Variants in LIN28A observed in about 807,000 individuals in gnomAD.
The protein encoded by LIN28A is lin-28 RNA binding posttranscriptional regulator A, also known as protein lin-28 homolog A.
In LIN28A, 11 loss-of-function variants were observed where a neutral mutation model predicts 21.1. That is an observed-to-expected ratio of 0.52 (90% CI 0.33 to 0.86). LIN28A has a LOEUF of 0.86. LIN28A is among the 40% of genes least tolerant of loss of function. The pLI is 0.03. For missense variants in LIN28A, 219 were observed against 279.8 expected, an observed-to-expected ratio of 0.78 and a Z score of 1.55; for synonymous variants, 111 against 108.7, an observed-to-expected ratio of 1.02 and a Z score of -0.13.
chr1:26,416,687 A>G (rs1272544044), intron 2 of LIN28A, among the ~76,000 whole-genome samples: 1 of 151,948 alleles, frequency 6.6e-6, no homozygotes, highest in Non-Finnish European at 1.5e-5. Flanking sequence ...GCGCCGTCTT[A>G]GCTCACTGCA....
rs971372791 is a variant in LIN28A, at chr1:26,411,651, G to T, written c.228+69G>T. On this transcript the variant is annotated intron_variant, in intron 2 of 3. Transcript: ENST00000326279. The surrounding 1 kb of genome is among the most constrained non-coding windows in gnomAD (Gnocchi z 5.4). The stretch of plus-strand genomic sequence containing the variant: ...GCGCCCATATCCACGGGTGGGCTCC[G>T]GGCTCGCAGTTGAATTGAGGGCCAT... 5.9e-6 allele frequency: 9 copies of T among 1,513,984 alleles called. No homozygotes were observed. The highest frequency in any genetic ancestry group is 1.7e-4 in the Middle Eastern group (1 of 5,818). The allele number at this position is 1,513,984 out of a possible 1,614,324, so 93.8% of individuals were successfully genotyped here.
chr1:26,413,014 C>G (rs559543373), intron 2 of LIN28A, among the ~76,000 whole-genome samples: 8 of 152,096 alleles, frequency 5.3e-5, no homozygotes, highest in African/African-American at 1.9e-4. Flanking sequence ...TCTCCCTTCT[C>G]TGTCTCATTT....
chr1:26,429,695 A>G lies in LIN28A; in HGVS notation c.*3237A>G, dbSNP rs2075081599. ...CTCCTTTCCCTGGGAAAATACAATG[A>G]ATAAATAAAGACTTATTGGTACGCA... is the stretch of plus-strand genomic sequence containing the variant. On this transcript the variant is annotated 3_prime_UTR_variant, in exon 4 of 4. Transcript: ENST00000326279. 6.6e-6 allele frequency: 1 copy of G among 152,210 alleles called. No individual in the cohort carries two copies. Among genetic ancestry groups the G allele is most frequent in the Admixed American group, 6.5e-5 (1 of 15,280 alleles). 9.4% of individuals were successfully genotyped at this position (152,210 alleles called of 1,614,324 possible). A position where few individuals can be genotyped will look rare whatever the true frequency, so the allele number is the denominator to read the frequency against.
At position 26,425,299 on chromosome 1, in the gene LIN28A, C is replaced by T. The variant is rs146466200; in HGVS notation, c.229-4C>T. 6.2e-7 allele frequency: 1 copy of T among 1,610,700 alleles called. No homozygotes were observed. The highest frequency in any genetic ancestry group is 1.3e-5 in the African/African-American group (1 of 74,914). On this transcript the variant is annotated splice_region_variant and splice_polypyrimidine_tract_variant and intron_variant, in intron 2 of 3. Transcript: ENST00000326279. ...TTAAAATTTACTGCATTTCCCTTCA[C>T]CAGAGTAAGCTGCACATGGAAGGGT...
chr1:26,418,451 C>T (rs1226406054), intron 2 of LIN28A, among the ~76,000 whole-genome samples: 1 of 151,338 alleles, frequency 6.6e-6, no homozygotes, highest in Non-Finnish European at 1.5e-5. Flanking sequence ...CAGGCTGAGG[C>T]AGGAGAATGG....
At chr1:26,426,065 T>G (rs1471963689) in intron 3 of LIN28A, among the ~76,000 whole-genome samples, 177 bp from the exon 4 acceptor site, 1 of 152,188 alleles carries the variant, frequency 6.6e-6, no homozygotes, top group Non-Finnish European at 1.5e-5. Flanking sequence ...CAATTAGATG[T>G]GGAAAGGACT....
At chr1:26,424,769 T>G (rs1397909611) in intron 2 of LIN28A, among the ~76,000 whole-genome samples, 1 of 152,188 alleles carries the variant, frequency 6.6e-6, no homozygotes, top group Non-Finnish European at 1.5e-5. Context: ...TGAGACAAAG[T>G]CTCACTCTGT....
rs913039390 is a variant in LIN28A, at chr1:26,411,036, C to G, written c.31+114C>G. On this transcript the variant is annotated intron_variant, in intron 1 of 3. Transcript: ENST00000326279. The surrounding 1 kb of genome is among the most constrained non-coding windows in gnomAD (Gnocchi z 5.4). ...CTGCCCAAAGGACCCCAAGACGGTG[C>G]GGCCTTCTGCTTCATAGGGCCGTCT... is the stretch of plus-strand genomic sequence containing the variant. The G allele has an allele frequency of 7.4e-7, 1 of 1,344,614 alleles. No homozygotes were observed. Among genetic ancestry groups the G allele is most frequent in the Admixed American group, 2.7e-5 (1 of 37,158 alleles). The allele number at this position is 1,344,614 out of a possible 1,614,324, so 83.3% of individuals were successfully genotyped here. A position where few individuals can be genotyped will look rare whatever the true frequency, so the allele number is the denominator to read the frequency against.
intron 2 of LIN28A, among the ~76,000 whole-genome samples, chr1:26,416,908 C>T (rs2074996876): frequency 6.6e-6 from 1 of 152,192 alleles, no homozygotes; most frequent in Admixed American, 6.5e-5. Context: ...GCATGAGCCA[C>T]CATGACTGGC....
rs572841937 is a variant in LIN28A, at chr1:26,416,139, T to C, written c.228+4557T>C. Among the ~76,000 whole-genome samples, 4 of 152,218 alleles carry C rather than the reference T, an allele frequency of 2.6e-5. No homozygotes were observed. The South Asian group carries it at 8.3e-4, about 32-fold the overall frequency. On this transcript the variant is annotated intron_variant, in intron 2 of 3. Coordinates refer to ENST00000326279, the MANE Select transcript of LIN28A (RefSeq NM_024674.6). ...TCCCAAGTAGCTGGGATTACAGATG[T>C]ACACCACCACACCCAGCTAATTTTA...
intron 2 of LIN28A, among the ~76,000 whole-genome samples, chr1:26,419,124 T>G (rs2075014466): frequency 6.8e-6 from 1 of 146,604 alleles, no homozygotes; most frequent in Non-Finnish European, 1.5e-5. Flanking sequence ...TGGTTGGGGG[T>G]GGAATGGGGG....
At chr1:26,415,956 T>C (rs2124288255) in intron 2 of LIN28A, among the ~76,000 whole-genome samples, 1 of 152,350 alleles carries the variant, frequency 6.6e-6, no homozygotes, top group South Asian at 2.1e-4. Flanking sequence ...GGTCCTCTTC[T>C]TTCTGAGACA....
At chr1:26,413,930 C>T (rs1427007602) in intron 2 of LIN28A, among the ~76,000 whole-genome samples, 3 of 149,440 alleles carry the variant, frequency 2.0e-5, no homozygotes, top group Non-Finnish European at 3.0e-5. Flanking sequence ...CAGGTTCAAG[C>T]GATTCTCCTG....
At chr1:26,416,930 T>G (rs1242108225) in intron 2 of LIN28A, among the ~76,000 whole-genome samples, 1 of 152,116 alleles carries the variant, frequency 6.6e-6, no homozygotes, top group African/African-American at 2.4e-5. Flanking sequence ...CAGCGTGGTG[T>G]TATTTAATTT....
intron 2 of LIN28A, among the ~76,000 whole-genome samples, chr1:26,413,440 A>T (rs1381495321): frequency 6.6e-6 from 1 of 152,074 alleles, no homozygotes; most frequent in African/African-American, 2.4e-5. Flanking sequence ...TCACCTTAGG[A>T]TCTAGAGCAA....
chr1:26,418,324 A>G (rs796292042), intron 2 of LIN28A, among the ~76,000 whole-genome samples: 1 of 152,274 alleles, frequency 6.6e-6, no homozygotes, highest in East Asian at 1.9e-4. Flanking sequence ...AGGCGGGTAG[A>G]TCATGAGGTC....
At chr1:26,420,018 C>T (rs1164302263) in intron 2 of LIN28A, among the ~76,000 whole-genome samples, 2 of 152,236 alleles carry the variant, frequency 1.3e-5, no homozygotes, top group African/African-American at 2.4e-5. Context: ...AGTGCAGTGG[C>T]GCGATCTCAG....
intron 2 of LIN28A, among the ~76,000 whole-genome samples, chr1:26,415,676 G>C (rs1557761093): frequency 6.6e-6 from 1 of 151,288 alleles, no homozygotes; most frequent in Non-Finnish European, 1.5e-5. Context: ...GTAGCTGCTC[G>C]CTTTCTGGGC....
At position 26,411,801 on chromosome 1, in the gene LIN28A, A is replaced by C. The variant is rs1054187902; in HGVS notation, c.228+219A>C. On this transcript the variant is annotated intron_variant, in intron 2 of 3. Coordinates refer to ENST00000326279, the MANE Select transcript of LIN28A (RefSeq NM_024674.6). The surrounding 1 kb of genome is among the most constrained non-coding windows in gnomAD (Gnocchi z 5.4). ...ATCAGCACCCCCGCCCCCTTCCGGGAACCCCTCCGGCTTACCACGTGTCTA... is the reference window on the plus strand; with the variant it reads ...ATCAGCACCCCCGCCCCCTTCCGGGCACCCCTCCGGCTTACCACGTGTCTA... Among the ~76,000 whole-genome samples the C allele has an allele frequency of 6.6e-6, 1 of 152,162 alleles. No individual in the cohort carries two copies. Among genetic ancestry groups the C allele is most frequent in the African/African-American group, 2.4e-5 (1 of 41,442 alleles).
Sources: allele counts gnomAD v4.1 joint callset (sites outside exome capture counted in the v4.1 genomes callset), GRCh38; gene constraint gnomAD v4.1.1; non-coding constraint Gnocchi (gnomAD v3.1); transcripts MANE v1.5; gene names NCBI Gene and HGNC (gene_info 2026-07-23, HGNC 2026-07-21).